The following TMCC2 variants were observed in gnomAD, a reference collection of about 807,000 sequenced individuals.
TMCC2 encodes the protein transmembrane and coiled-coil domains protein 2.
TMCC2 carries 16 observed loss-of-function variants against 49.4 expected under a neutral mutation model. That is an observed-to-expected ratio of 0.32 (90% CI 0.22 to 0.49). TMCC2 has a LOEUF of 0.49. Among genes scored for constraint, TMCC2 ranks in the 20% least tolerant of loss-of-function variants. TMCC2 has a pLI of 0.99. For missense variants in TMCC2, 762 were observed against 989.8 expected (o/e 0.77, Z 3.09); for synonymous variants, 397 against 434.1 (o/e 0.91, Z 1.06).
chr1:205,241,893 G>T lies in TMCC2; in HGVS notation c.596G>T (p.Arg199Leu). ...EPQRGSPHLL[R>L]KAPQDSSLAA... The stretch of plus-strand genomic sequence containing the variant: ...CAGCGTGGCAGCCCTCACCTGCTGC[G>T]CAAGGCCCCCCAGGACAGCAGCCTG... The change falls in exon 2 of 5, where the codon CGC becomes CTC. Residue 199 changes from arginine to leucine, a missense_variant. This residue lies in a region of TMCC2 where 322 missense variants were observed against 353.1 expected (regional missense o/e 0.91). Coordinates refer to ENST00000358024, the MANE Select transcript of TMCC2 (RefSeq NM_014858.4). This position sits in a 1 kb window ranked among gnomAD's most constrained non-coding sequence, Gnocchi z 7.3. 1 of 1,607,518 alleles carries T rather than the reference G, an allele frequency of 6.2e-7. No individual in the cohort carries two copies. Among genetic ancestry groups the T allele is most frequent in the South Asian group, 1.1e-5 (1 of 90,412 alleles).
chr1:205,261,682 A>AG (rs1661121574), intron 2 of TMCC2, among the ~76,000 whole-genome samples: 1 of 151,918 alleles, frequency 6.6e-6, no homozygotes. Context: ...CCGTCTCAAA[A>AG]AAAAAAAAAT....
Position 205,268,950 on chromosome 1 carries a change from G to A in TMCC2, c.748G>A (p.Val250Ile). The change falls in exon 3 of 5, where the codon GTC becomes ATC. Residue 250 changes from valine (V) to isoleucine (I), a missense_variant and splice_region_variant. Coordinates refer to ENST00000358024, the MANE Select transcript of TMCC2 (RefSeq NM_014858.4). ...TTCCTCTGCCTGCCTCTTTCCCCAG[G>A]TCGATAAGGGAGACCTGGTGGCCCT... The part of the protein sequence containing the change: ...AEEAEGIGDK[V>I]DKGDLVALSL... 6.2e-7 allele frequency: 1 copy of A among 1,611,598 alleles called. No homozygotes were observed.
chr1:205,269,292 A>G lies in TMCC2; in HGVS notation c.1090A>G (p.Ile364Val). ...LEHYRRRLKE[I>V]EQNGPSRQPK... Reference sequence around the variant, plus strand: ...GCACTACCGCCGGCGCCTGAAGGAGATTGAGCAGAACGGGCCCTCGCGGCA... The same window carrying G: ...GCACTACCGCCGGCGCCTGAAGGAGGTTGAGCAGAACGGGCCCTCGCGGCA... Residue 364 changes from isoleucine to valine, a missense_variant, in exon 3 of 5, where the codon ATT (isoleucine) becomes GTT (valine). Coordinates refer to ENST00000358024, the MANE Select transcript of TMCC2 (RefSeq NM_014858.4). 6.2e-7 allele frequency: 1 copy of G among 1,613,682 alleles called. No individual in the cohort carries two copies. Among genetic ancestry groups the G allele is most frequent in the Non-Finnish European group, 8.5e-7 (1 of 1,180,000 alleles).
chr1:205,232,969 A>AAC (rs1187046344), intron 1 of TMCC2, among the ~76,000 whole-genome samples: 3 of 143,838 alleles, frequency 2.1e-5, no homozygotes, highest in African/African-American at 7.7e-5. Flanking sequence ...AACACAAAAA[A>AAC]ACACACACAC....
rs150977470 is a variant in TMCC2, at chr1:205,228,699, C to T, written c.135C>T (p.Gly45=). The T allele has an allele frequency of 1.9e-6, 3 of 1,612,212 alleles. No individual in the cohort carries two copies. The East Asian group carries it at 6.7e-5, about 36-fold the overall frequency. ...AGACCACGGGTGCTAACTCTGCTGG[C>T]GGGCCAACTTCAGACGCCGGCGCTG... ...PGETTGANSA[G]GPTSDAGAAA... Residue 45 remains glycine, a synonymous_variant, in exon 1 of 5, where the codon GGC becomes GGT. Transcript: ENST00000358024.
chr1:205,272,425 C>A lies in TMCC2; in HGVS notation c.*301C>A, dbSNP rs1266602291. ...ATAGTTACACAAGGACTTCTCCCAG[C>A]TGACCCTCAGGATGCCCCAAGTCAG... On this transcript the variant is annotated 3_prime_UTR_variant, in exon 5 of 5. Coordinates refer to ENST00000358024, the MANE Select transcript of TMCC2 (RefSeq NM_014858.4). 2.4e-6 allele frequency: 1 copy of A among 421,906 alleles called. No individual in the cohort carries two copies. The highest frequency in any genetic ancestry group is 4.2e-6 in the Non-Finnish European group (1 of 237,978). 26.1% of individuals were successfully genotyped at this position (421,906 alleles called of 1,614,324 possible).
At chr1:205,228,972 G>T (rs1312915677) in intron 1 of TMCC2, 65 of 1,395,500 alleles carry the variant, frequency 4.7e-5, no homozygotes, top group Non-Finnish European at 5.7e-5. Flanking sequence ...TCAGGTCTCT[G>T]TGTTTGTTCC....
Position 205,228,637 on chromosome 1 carries a change from G to T in TMCC2, c.73G>T (p.Ala25Ser), listed in dbSNP as rs1284322496. The change falls in exon 1 of 5, where the codon GCT becomes TCT. Residue 25 changes from alanine to serine, a missense_variant. Coordinates refer to ENST00000358024, the MANE Select transcript of TMCC2 (RefSeq NM_014858.4). ...GGATGGAGCTGGGCTGGAAGATGCC[G>T]CTTCCCACCTGCCGGGCGCGGACCT... ...EEDGAGLEDA[A>S]SHLPGADLRP... 2 of 1,613,090 alleles carry T rather than the reference G, an allele frequency of 1.2e-6. No individual in the cohort carries two copies. Among genetic ancestry groups the T allele is most frequent in the Admixed American group, 1.7e-5 (1 of 59,998 alleles).
intron 2 of TMCC2, chr1:205,267,922 G>A (rs1042557626): frequency 3.0e-6 from 3 of 984,950 alleles, no homozygotes; most frequent in African/African-American, 3.5e-5. Flanking sequence ...TACTTCTGGG[G>A]CTTTAGTCCT....
chr1:205,238,593 CAT>C (rs1468747969), intron 1 of TMCC2, among the ~76,000 whole-genome samples: 2 of 152,180 alleles, frequency 1.3e-5, no homozygotes, highest in Non-Finnish European at 2.9e-5. Context: ...TGTCCCATAA[CAT>C]GGGATGGGCA....
rs1354028339 is a variant in TMCC2, at chr1:205,229,553, G to GGGT, written c.207+784_207+785insTGG. On this transcript the variant is annotated intron_variant, in intron 1 of 4. Transcript: ENST00000358024. ...GCCGATCTGTGAAGGGGCGGGGGGG[G>GGGT]GGGGGTGGTGGCGGGGGCGGGGGGG... 8.8e-3 allele frequency: 6,117 copies of GGGT among 696,480 alleles called. 102 individuals are homozygous for GGGT. The highest frequency in any genetic ancestry group is 0.035 in the East Asian group (217 of 6,136). The allele number at this position is 696,480 out of a possible 1,614,324, so 43.1% of individuals were successfully genotyped here. A position where few individuals can be genotyped will look rare whatever the true frequency, so the allele number is the denominator to read the frequency against.
At position 205,238,837 on chromosome 1, in the gene TMCC2, A is replaced by G. The variant is rs1436172991; in HGVS notation, c.208-2668A>G. ...GCTGTGCCTCCGTTTCTTCATCTGC[A>G]AAATAGACACTGATGCTGTGACATC... is the stretch of plus-strand genomic sequence containing the variant. On this transcript the variant is annotated intron_variant, in intron 1 of 4. Coordinates refer to ENST00000358024, the MANE Select transcript of TMCC2 (RefSeq NM_014858.4). Among the ~76,000 whole-genome samples, 3 of 152,350 alleles carry G rather than the reference A, an allele frequency of 2.0e-5. No homozygotes were observed. The East Asian group carries it at 5.8e-4, about 29-fold the overall frequency.
chr1:205,228,921 G>A, intron 1 of TMCC2, 150 bp downstream of exon 1: 1 of 1,430,838 alleles, frequency 7.0e-7, no homozygotes, highest in Non-Finnish European at 9.1e-7. Flanking sequence ...CCCCAGGGGG[G>A]ACGTCAGGTA....
chr1:205,257,123 G>C (rs990390537), intron 2 of TMCC2: 2 of 1,228,866 alleles, frequency 1.6e-6, no homozygotes, highest in Non-Finnish European at 2.0e-6. Flanking sequence ...AGATGGGAAG[G>C]AGCAGCCCGT....
chr1:205,232,761 C>T (rs1410678987), intron 1 of TMCC2, among the ~76,000 whole-genome samples: 1 of 151,736 alleles, frequency 6.6e-6, no homozygotes, highest in Admixed American at 6.6e-5. Flanking sequence ...ATGGTAAAAT[C>T]CTGTCTCTAC....
Position 205,241,525 on chromosome 1 carries a change from G to A in TMCC2, c.228G>A (p.Glu76=), listed in dbSNP as rs757553045. The A allele has an allele frequency of 1.2e-6, 2 of 1,613,590 alleles. No individual in the cohort carries two copies. The highest frequency in any genetic ancestry group is 2.7e-5 in the African/African-American group (2 of 74,868). ...TTAAGAAAATCCAGCAGCTGTCAGA[G>A]GGCTCCATGTTTGGCCACGGTCTGA... ...PDLKKIQQLS[E]GSMFGHGLKH... is the part of the protein sequence containing the mutation. The change falls in exon 2 of 5, where the codon GAG becomes GAA. Residue 76 remains glutamate (E), a synonymous_variant. Transcript: ENST00000358024. The surrounding 1 kb of genome is among the most constrained non-coding windows in gnomAD (Gnocchi z 7.3).
intron 1 of TMCC2, chr1:205,229,506 T>C (rs1305359878): frequency 2.0e-6 from 1 of 510,378 alleles, no homozygotes; most frequent in Non-Finnish European, 2.4e-6. Flanking sequence ...CTTTGAGCGC[T>C]TTCCTGGATG....
rs201437140 is a variant in TMCC2, at chr1:205,238,369, G to A, written c.208-3136G>A. On this transcript the variant is annotated intron_variant, in intron 1 of 4. Transcript: ENST00000358024. ...TCCCGCCTCGCACCTTATCAGTGAGGAAAAACCCCTTCATTTGGAGTAATC... is the reference window on the plus strand; with the variant it reads ...TCCCGCCTCGCACCTTATCAGTGAGAAAAAACCCCTTCATTTGGAGTAATC... 6.6e-3 allele frequency among the ~76,000 whole-genome samples: 1,007 copies of A among 152,196 alleles called. 7 individuals carry two copies. The highest frequency in any genetic ancestry group is 0.012 in the Non-Finnish European group (829 of 68,006).
intron 2 of TMCC2, chr1:205,268,141 G>T: frequency 2.2e-6 from 2 of 905,746 alleles, no homozygotes; most frequent in Non-Finnish European, 2.6e-6. Flanking sequence ...GGGTGGCGAG[G>T]GCAGGCAGGC....
Sources: gnomAD v4.1 joint callset for allele counts (sites outside exome capture counted in the v4.1 genomes callset) on GRCh38, gnomAD v4.1.1 for gene constraint, gnomAD v4.1.1 regional missense constraint, Gnocchi (gnomAD v3.1) non-coding constraint, MANE v1.5 for transcripts, NCBI Gene and HGNC (gene_info 2026-07-23, HGNC 2026-07-21) for gene names.